The following MAGI2 variants were observed in gnomAD, a reference collection of about 807,000 sequenced individuals.
The protein encoded by MAGI2 is membrane associated guanylate kinase, WW and PDZ domain containing 2.
In MAGI2, 35 loss-of-function variants were observed where a neutral mutation model predicts 133.3. The observed-to-expected ratio is 0.26, with a 90% CI of 0.20 to 0.35. The LOEUF (loss-of-function observed/expected upper bound fraction) is 0.35. Ranked by LOEUF, MAGI2 falls within the 10% of genes least tolerant of loss-of-function variation. MAGI2 has a pLI of 1.00. For synonymous variants in MAGI2, 729 were observed against 710.6 expected (o/e 1.03, Z -0.41); for missense variants, 1,636 against 1,863.4 (o/e 0.88, Z 2.25).
chr7:78,205,157 G>T (rs903463679), intron 10 of MAGI2, among the ~76,000 whole-genome samples: 1 of 152,080 alleles, frequency 6.6e-6, no homozygotes, highest in African/African-American at 2.4e-5. Flanking sequence ...TTGAGACAGG[G>T]TCTCACTTGG....
chr7:78,746,105 A>C (rs948980668), intron 2 of MAGI2, among the ~76,000 whole-genome samples: 7 of 152,194 alleles, frequency 4.6e-5, no homozygotes, highest in African/African-American at 1.7e-4. Flanking sequence ...TCTGAAGACT[A>C]TGAGCTTCAC....
intron 2 of MAGI2, among the ~76,000 whole-genome samples, chr7:78,722,608 T>C (rs1820372980): frequency 6.6e-6 from 1 of 152,124 alleles, no homozygotes; most frequent in South Asian, 2.1e-4. Flanking sequence ...GGCTTCATTT[T>C]CAGGCACAAT....
intron 2 of MAGI2, among the ~76,000 whole-genome samples, chr7:78,982,427 C>A (rs189656760): frequency 6.6e-6 from 1 of 151,816 alleles, no homozygotes; most frequent in African/African-American, 2.4e-5. Flanking sequence ...TTATACTTGG[C>A]TTTTTGTAAG....
chr7:78,777,086 C>T (rs1826044276), intron 2 of MAGI2, among the ~76,000 whole-genome samples: 1 of 152,094 alleles, frequency 6.6e-6, no homozygotes, highest in African/African-American at 2.4e-5. Flanking sequence ...TACTGCTCTA[C>T]TTGAAGATAG....
At chr7:79,314,062 C>T (rs763789989) in intron 1 of MAGI2, among the ~76,000 whole-genome samples, 9 of 152,204 alleles carry the variant, frequency 5.9e-5, no homozygotes, top group Non-Finnish European at 1.3e-4. Context: ...CAACCTCTGC[C>T]TCCTAGGTTC....
intron 1 of MAGI2, chr7:79,125,841 T>C (rs1049787048): frequency 2.1e-6 from 1 of 481,298 alleles, no homozygotes; most frequent in African/African-American, 2.0e-5. Flanking sequence ...AAACAAAGCT[T>C]AGCAGAAGAG....
intron 2 of MAGI2, among the ~76,000 whole-genome samples, chr7:78,883,500 A>T (rs1796038483): frequency 6.6e-6 from 1 of 152,176 alleles, no homozygotes; most frequent in Non-Finnish European, 1.5e-5. Context: ...GCCATTTTTT[A>T]CAAAACTACA....
intron 2 of MAGI2, among the ~76,000 whole-genome samples, chr7:78,969,804 A>G (rs1458703691): frequency 6.6e-6 from 1 of 152,104 alleles, no homozygotes; most frequent in Admixed American, 6.6e-5. Flanking sequence ...TACATATTAC[A>G]AATCATAGTA....
intron 9 of MAGI2, among the ~76,000 whole-genome samples, chr7:78,269,087 A>G (rs1794308305): frequency 6.6e-6 from 1 of 152,116 alleles, no homozygotes; most frequent in Admixed American, 6.6e-5. Flanking sequence ...TTTCTAGTTC[A>G]TCCACGTCCC....
chr7:78,870,755 T>TCTCA lies in MAGI2; in HGVS notation c.418+136334_418+136335insTGAG, dbSNP rs1255882826. On this transcript the variant is annotated intron_variant, in intron 2 of 21. Transcript: ENST00000354212. ...GAAAAAGACACTTGCACAATCATGT[T>TCTCA]TTAGCAGCACAATTCACAATTGCAA... Among the ~76,000 whole-genome samples the TCTCA allele has an allele frequency of 4.6e-5, 7 of 152,282 alleles. No homozygotes were observed. The South Asian group carries it at 1.2e-3, about 27-fold the overall frequency.
At chr7:78,565,822 A>G (rs78805589) in intron 3 of MAGI2, among the ~76,000 whole-genome samples, 1,932 of 152,256 alleles carry the variant, frequency 0.013, 37 homozygotes, top group African/African-American at 0.044. Flanking sequence ...TGACACATTT[A>G]TTTCTTCATG....
chr7:78,454,133 T>C (rs953237829), intron 6 of MAGI2, among the ~76,000 whole-genome samples: 3 of 152,178 alleles, frequency 2.0e-5, no homozygotes, highest in Non-Finnish European at 4.4e-5. Flanking sequence ...ATTCTCTACA[T>C]ATACCCTGAC....
intron 2 of MAGI2, among the ~76,000 whole-genome samples, chr7:78,839,690 G>A (rs1463862993): frequency 1.3e-5 from 2 of 152,022 alleles, no homozygotes; most frequent in African/African-American, 4.8e-5. Context: ...ACTATCAGGA[G>A]AACAGCCTGG....
At chr7:79,433,123 T>G (rs1847886842) in intron 1 of MAGI2, among the ~76,000 whole-genome samples, 1 of 152,180 alleles carries the variant, frequency 6.6e-6, no homozygotes, top group South Asian at 2.1e-4. Context: ...TACATTTTTG[T>G]TTCATACCTA....
rs71515391 is a variant in MAGI2, at chr7:78,161,667, T to TAAAAAAAAAAAAA, written c.2597-1407_2597-1395dup. ...AGAGACGTTTTGTTACATCGATACC[T>TAAAAAAAAAAAAA]AAAAAAAAAAAAAAAAAAAAGAAAA... On this transcript the variant is annotated intron_variant, in intron 15 of 21. Transcript: ENST00000354212. Among the ~76,000 whole-genome samples the TAAAAAAAAAAAAA allele has an allele frequency of 4.1e-3, 280 of 68,730 alleles. 3 individuals are homozygous for TAAAAAAAAAAAAA. The highest frequency in any genetic ancestry group is 8.6e-3 in the African/African-American group (145 of 16,872). 45.1% of individuals were successfully genotyped at this position (68,730 alleles called of 152,430 possible).
At chr7:78,300,584 C>G (rs568467173) in intron 9 of MAGI2, among the ~76,000 whole-genome samples, 1 of 152,264 alleles carries the variant, frequency 6.6e-6, no homozygotes, top group African/African-American at 2.4e-5. Flanking sequence ...GAAATCAATA[C>G]CGATTAAAGG....
At chr7:78,662,725 C>T (rs187079016) in intron 2 of MAGI2, among the ~76,000 whole-genome samples, 245 of 152,238 alleles carry the variant, frequency 1.6e-3, no homozygotes, top group African/African-American at 5.8e-3. Context: ...TATGTTAGTA[C>T]TGTATATGAC....
At chr7:78,371,735 C>A (rs1408408966) in intron 6 of MAGI2, among the ~76,000 whole-genome samples, 6 of 151,960 alleles carry the variant, frequency 3.9e-5, no homozygotes, top group Non-Finnish European at 8.8e-5. Flanking sequence ...TAGGGAGAAT[C>A]TACTTTATTT....
intron 10 of MAGI2, among the ~76,000 whole-genome samples, chr7:78,239,495 T>C (rs989438621): frequency 1.3e-5 from 2 of 152,166 alleles, no homozygotes; most frequent in African/African-American, 2.4e-5. Flanking sequence ...GAAGAAAATA[T>C]TTGTAAACTG....
Sources: gnomAD v4.1 joint callset for allele counts (sites outside exome capture counted in the v4.1 genomes callset) on GRCh38, gnomAD v4.1.1 for gene constraint, MANE v1.5 for transcripts, NCBI Gene and HGNC (gene_info 2026-07-23, HGNC 2026-07-21) for gene names.